ALKBH3: variants seen among roughly 807,000 people sequenced by gnomAD.
ALKBH3 encodes the protein alkB homolog 3, alpha-ketoglutarate dependent dioxygenase.
ALKBH3 carries 51 observed loss-of-function variants against 43.9 expected under a neutral mutation model. That is an observed-to-expected ratio of 1.16 (90% CI 0.93 to 1.47). The LOEUF is 1.47. ALKBH3 is among the 40% of genes most tolerant of loss of function. ALKBH3 has a pLI of 0.00. For synonymous variants in ALKBH3, 102 were observed against 115.2 expected (o/e 0.89, Z 0.73); for missense variants, 361 against 351.9 (o/e 1.03, Z -0.21).
At chr11:43,887,474 CT>C (rs1045191616) in intron 5 of ALKBH3, among the ~76,000 whole-genome samples, 3 of 151,210 alleles carry the variant, frequency 2.0e-5, no homozygotes, top group African/African-American at 7.3e-5. Context: ...AGCCTGGCTA[CT>C]TTTTTCGTAT....
intron 6 of ALKBH3, among the ~76,000 whole-genome samples, chr11:43,890,454 TTGAG>T (rs112899640): frequency 2.6e-5 from 4 of 152,186 alleles, no homozygotes; most frequent in African/African-American, 9.6e-5. Flanking sequence ...TTCTGGCACA[TTGAG>T]TGAATTTAAA....
At chr11:43,884,662 T>C (rs757953656) in intron 4 of ALKBH3, among the ~76,000 whole-genome samples, 2 of 152,232 alleles carry the variant, frequency 1.3e-5, no homozygotes, top group Non-Finnish European at 2.9e-5. Context: ...TTCTTGCCCA[T>C]GATCAATCTG....
intron 5 of ALKBH3, among the ~76,000 whole-genome samples, chr11:43,886,921 C>G (rs1293216710): frequency 6.6e-6 from 1 of 151,884 alleles, no homozygotes; most frequent in African/African-American, 2.4e-5. Context: ...CAGGGACACA[C>G]AGAAGGGAAC....
intron 7 of ALKBH3, among the ~76,000 whole-genome samples, chr11:43,895,395 C>T (rs577864927): frequency 3.3e-5 from 5 of 152,288 alleles, no homozygotes; most frequent in Admixed American, 6.5e-5. Flanking sequence ...CCTGCACATG[C>T]GCTCTTGCCT....
chr11:43,892,337 G>T (rs1295350872), intron 7 of ALKBH3, among the ~76,000 whole-genome samples: 3 of 152,154 alleles, frequency 2.0e-5, no homozygotes, highest in Non-Finnish European at 4.4e-5. Context: ...AACTGAACCA[G>T]AGTCTAGCAT....
chr11:43,919,100 G>C lies in ALKBH3; in HGVS notation c.732G>C (p.Leu244Phe). The change falls in exon 9 of 10, where the codon TTG becomes TTC. Residue 244 changes from leucine (L) to phenylalanine (F), a missense_variant. Physicochemically the swap from Leu to Phe is conservative, Grantham distance 22. Coordinates refer to ENST00000302708, the MANE Select transcript of ALKBH3 (RefSeq NM_139178.4). ...RVKIPLDHGT[L>F]LIMEGATQAD... The stretch of plus-strand genomic sequence containing the variant: ...AGATACCCTTGGATCATGGGACCTT[G>C]TTAATCATGGAAGGAGCGACACAAG... 1.9e-6 allele frequency: 3 copies of C among 1,613,456 alleles called. No individual in the cohort carries two copies. Among genetic ancestry groups the C allele is most frequent in the Non-Finnish European group, 2.5e-6 (3 of 1,179,448 alleles).
Position 43,901,678 on chromosome 11 carries a change from AGT to A in ALKBH3, c.623_624del (p.Ser208IlefsTer8). On this transcript the variant is annotated frameshift_variant, in exon 8 of 10. Coordinates refer to ENST00000302708, the MANE Select transcript of ALKBH3 (RefSeq NM_139178.4). LOFTEE classifies it high-confidence loss of function. ...GAGGTGCCCCATTATTGCTTCACTAAGTTTTGGTGCCACACGCACATTTGAGA... is the reference window on the plus strand; with the variant it reads ...GAGGTGCCCCATTATTGCTTCACTAATTTGGTGCCACACGCACATTTGAGA... ...LGRCPIIASL[S>X]FGATRTFEMR... The A allele has an allele frequency of 6.2e-7, 1 of 1,614,232 alleles. No homozygotes were observed. The highest frequency in any genetic ancestry group is 8.5e-7 in the Non-Finnish European group (1 of 1,180,038).
intron 7 of ALKBH3, chr11:43,899,336 A>G: frequency 1.4e-6 from 1 of 697,548 alleles, no homozygotes; most frequent in South Asian, 1.4e-5. Context: ...ATTCCACAGC[A>G]TGCCCGTGTG....
chr11:43,918,576 G>A lies in ALKBH3; in HGVS notation c.670-462G>A, dbSNP rs528155697. Among the ~76,000 whole-genome samples, 5 of 152,180 alleles carry A rather than the reference G, an allele frequency of 3.3e-5. No homozygotes were observed. In the South Asian group the frequency reaches 6.2e-4, roughly 19 times the overall value. ...TTGTGAAAAGGTGAAGGAAGTCATC[G>A]CATCAAATCTTGGTTAAAAGGACAT... On this transcript the variant is annotated intron_variant, in intron 8 of 9. Coordinates refer to ENST00000302708, the MANE Select transcript of ALKBH3 (RefSeq NM_139178.4).
At chr11:43,914,416 A>G (rs1951966120) in intron 8 of ALKBH3, among the ~76,000 whole-genome samples, 1 of 152,194 alleles carries the variant, frequency 6.6e-6, no homozygotes, top group South Asian at 2.1e-4. Flanking sequence ...GCCATCGTAG[A>G]TCTTGTGGAA....
intron 1 of ALKBH3, 39 bp downstream of exon 1, chr11:43,881,218 A>G (rs1258936736): frequency 6.6e-6 from 1 of 152,288 alleles, no homozygotes; most frequent in East Asian, 1.9e-4. Context: ...CTGGGAAGTG[A>G]CAGATCTGGA....
At chr11:43,898,321 AT>A in intron 7 of ALKBH3, 1 of 719,974 alleles carries the variant, frequency 1.4e-6, no homozygotes, top group East Asian at 2.5e-5. Flanking sequence ...CAGAGAGATC[AT>A]TTGTCAATCT....
chr11:43,897,536 C>G, intron 7 of ALKBH3: 1 of 771,528 alleles, frequency 1.3e-6, no homozygotes, highest in Non-Finnish European at 2.4e-6. Flanking sequence ...AAAGGAGGTT[C>G]CCTACGTGTC....
intron 8 of ALKBH3, among the ~76,000 whole-genome samples, chr11:43,911,781 C>A (rs547572357): frequency 1.3e-5 from 2 of 152,188 alleles, no homozygotes; most frequent in East Asian, 3.9e-4. Context: ...TAATATAGAC[C>A]ATATGTAAAA....
At position 43,918,953 on chromosome 11, in the gene ALKBH3, T is replaced by C. The variant is rs527699740; in HGVS notation, c.670-85T>C. On this transcript the variant is annotated intron_variant, in intron 8 of 9. Transcript: ENST00000302708. ...CCCACAGTCTGGCTGAGCAGAGGTT[T>C]CCATTTTTTTTTGACCTCTGTCAGG... 2.8e-6 allele frequency: 3 copies of C among 1,064,200 alleles called. No individual in the cohort carries two copies. The East Asian group carries it at 7.1e-5, about 25-fold the overall frequency. The allele number at this position is 1,064,200 out of a possible 1,614,324, so 65.9% of individuals were successfully genotyped here. A position where few individuals can be genotyped will look rare whatever the true frequency, so the allele number is the denominator to read the frequency against.
At chr11:43,884,147 C>A in intron 4 of ALKBH3, 130 bp downstream of exon 4, 1 of 1,081,752 alleles carries the variant, frequency 9.2e-7, no homozygotes, top group South Asian at 1.5e-5. Context: ...CTGGGATATT[C>A]CCATCTCAAA....
intron 8 of ALKBH3, among the ~76,000 whole-genome samples, chr11:43,908,573 T>C (rs1300643352): frequency 6.6e-6 from 1 of 152,116 alleles, no homozygotes; most frequent in East Asian, 1.9e-4. Flanking sequence ...TTTGGAAATA[T>C]TATATTGCCA....
At chr11:43,905,251 C>G (rs1951888140) in intron 8 of ALKBH3, among the ~76,000 whole-genome samples, 1 of 152,180 alleles carries the variant, frequency 6.6e-6, no homozygotes, top group South Asian at 2.1e-4. Context: ...AACTGCTGAT[C>G]TACTGAAAGC....
At chr11:43,898,681 A>G (rs1232878134) in intron 7 of ALKBH3, 13 of 717,012 alleles carry the variant, frequency 1.8e-5, no homozygotes, top group East Asian at 1.2e-4. Flanking sequence ...GCGGTGGATC[A>G]TCGAGGTGGT....
Sources: allele counts gnomAD v4.1 joint callset (sites outside exome capture counted in the v4.1 genomes callset), GRCh38; gene constraint gnomAD v4.1.1; transcripts MANE v1.5; gene names NCBI Gene and HGNC (gene_info 2026-07-23, HGNC 2026-07-21).